The following SEPTIN5 variants were observed in gnomAD, a reference collection of about 807,000 sequenced individuals.
SEPTIN5 encodes the protein septin 5.
A neutral mutation model predicts 51.2 loss-of-function variants in SEPTIN5; 16 were observed. The observed-to-expected ratio is 0.31, with a 90% confidence interval of 0.21 to 0.47. SEPTIN5 has a LOEUF of 0.47. SEPTIN5 is among the 20% of genes least tolerant of loss of function. SEPTIN5 has a pLI of 0.99. For synonymous variants in SEPTIN5, 208 were observed against 191.2 expected (o/e 1.09, Z -0.72); for missense variants, 376 against 500.3 (o/e 0.75, Z 2.37).
rs958298664 is a variant in SEPTIN5 at position 19,714,697 on chromosome 22, C to T, written c.43+66C>T. 92 of 1,531,270 alleles carry T rather than the reference C, an allele frequency of 6.0e-5. No individual in the cohort carries two copies. Among genetic ancestry groups the T allele is most frequent in the Non-Finnish European group, 7.6e-5 (87 of 1,144,054 alleles). The allele number at this position is 1,531,270 out of a possible 1,614,324, so 94.9% of individuals were successfully genotyped here. On this transcript the variant is annotated intron_variant, in intron 1 of 11. Transcript: ENST00000455784. The surrounding 1 kb of genome is among the most constrained non-coding windows in gnomAD (Gnocchi z 5.2). ...TCCCCGCCGCCCGCGCGCCTCTCAC[C>T]GTGTCTCTCCGTCTCTCCCCCGCCC...
At chr22:19,715,971 C>G (rs890066740) in intron 2 of SEPTIN5, among the ~76,000 whole-genome samples, 1 of 152,240 alleles carries the variant, frequency 6.6e-6, no homozygotes, top group African/African-American at 2.4e-5. Flanking sequence ...GGAGGCCAGG[C>G]CCCTGAGGCT....
Position 19,720,356 on chromosome 22 carries a change from T to G in SEPTIN5, c.399T>G (p.Phe133Leu), listed in dbSNP as rs1337858518. Residue 133 changes from phenylalanine (F) to leucine (L), a missense_variant, in exon 6 of 12, where the codon TTT becomes TTG. Phe to Leu is a conservative substitution (Grantham distance 22). Coordinates refer to ENST00000455784, the MANE Select transcript of SEPTIN5 (RefSeq NM_002688.6). ...KPITDYVDQQ[F>L]EQYFRDESGL... The stretch of plus-strand genomic sequence containing the variant: ...TCACCGACTATGTGGACCAGCAGTT[T>G]GAGCAGTACTTCCGTGATGAGAGCG... 4 of 1,613,978 alleles carry G rather than the reference T, an allele frequency of 2.5e-6. No homozygotes were observed. The Admixed American group carries it at 6.7e-5, about 27-fold the overall frequency.
Position 19,723,071 on chromosome 22 carries a change from C to A in SEPTIN5, c.*587C>A. The stretch of plus-strand genomic sequence containing the variant: ...GACCGCTTACACCCCTTCTCCACAG[C>A]CCGGCCCGACCTGGAGGGCCCCCGG... On this transcript the variant is annotated 3_prime_UTR_variant, in exon 12 of 12. Transcript: ENST00000455784. 1 of 516,966 alleles carries A rather than the reference C, an allele frequency of 1.9e-6. No individual in the cohort carries two copies. Among genetic ancestry groups the A allele is most frequent in the South Asian group, 1.6e-5 (1 of 61,624 alleles). 32.0% of individuals were successfully genotyped at this position (516,966 alleles called of 1,614,324 possible).
At position 19,721,911 on chromosome 22, in the gene SEPTIN5, G is replaced by A. The variant is rs763802340; in HGVS notation, c.904G>A (p.Val302Met). The stretch of plus-strand genomic sequence containing the variant: ...CGACCTCAAGGACGTGACGTGCGAC[G>A]TGCACTACGAGAACTACCGCGCGCA... Reference protein sequence around the residue: ...MHDLKDVTCDVHYENYRAHCI... With the variant: ...MHDLKDVTCDMHYENYRAHCI... Residue 302 changes from valine to methionine, a missense_variant, in exon 10 of 12, where the codon GTG becomes ATG. Val to Met is a conservative substitution (Grantham distance 21). Transcript: ENST00000455784. The A allele has an allele frequency of 1.2e-6, 2 of 1,612,098 alleles. No individual in the cohort carries two copies. Among genetic ancestry groups the A allele is most frequent in the Non-Finnish European group, 1.7e-6 (2 of 1,179,570 alleles).
chr22:19,716,218 C>T (rs1935909166), intron 2 of SEPTIN5, among the ~76,000 whole-genome samples: 1 of 152,216 alleles, frequency 6.6e-6, no homozygotes, highest in Non-Finnish European at 1.5e-5. Flanking sequence ...GAAGGGAGCC[C>T]CGGAGCAGGA....
In SEPTIN5 at chr22:19,714,561, C is replaced by G; in HGVS notation, c.-28C>G. 1 of 1,389,406 alleles carries G rather than the reference C, an allele frequency of 7.2e-7. No homozygotes were observed. Among genetic ancestry groups the G allele is most frequent in the Non-Finnish European group, 9.3e-7 (1 of 1,072,758 alleles). The allele number at this position is 1,389,406 out of a possible 1,614,324, so 86.1% of individuals were successfully genotyped here. On this transcript the variant is annotated 5_prime_UTR_variant, in exon 1 of 12. Coordinates refer to ENST00000455784, the MANE Select transcript of SEPTIN5 (RefSeq NM_002688.6). This position sits in a 1 kb window ranked among gnomAD's most constrained non-coding sequence, Gnocchi z 5.2. ...TCGTCGCGCCCCGCCCGCGAGCCCG[C>G]CCCGCACGTCCCCCGCCGGCGGCCA...
Position 19,722,943 on chromosome 22 carries a change from G to T in SEPTIN5, c.*459G>T, listed in dbSNP as rs180830640. ...ACCCCATTTTCTGTCGAGGCGGGCC[G>T]AGTCTTCCCTTATCCCCAGACGCCT... On this transcript the variant is annotated 3_prime_UTR_variant, in exon 12 of 12. Transcript: ENST00000455784. 9.1e-6 allele frequency: 4 copies of T among 441,632 alleles called. No individual in the cohort carries two copies. The East Asian group carries it at 1.6e-4, about 18-fold the overall frequency. The allele number at this position is 441,632 out of a possible 1,614,324, so 27.4% of individuals were successfully genotyped here.
Position 19,720,250 on chromosome 22 carries a change from C to G in SEPTIN5, c.362+12C>G, listed in dbSNP as rs1384972132. 6 of 1,613,408 alleles carry G rather than the reference C, an allele frequency of 3.7e-6. No individual in the cohort carries two copies. The highest frequency in any genetic ancestry group is 5.1e-6 in the Non-Finnish European group (6 of 1,180,012). ...AACAACACCGAGTGGTGAGTGAGGCCTGCTGAGAAAGGCCTTGCCTAGGCG... is the reference window on the plus strand; with the variant it reads ...AACAACACCGAGTGGTGAGTGAGGCGTGCTGAGAAAGGCCTTGCCTAGGCG... On this transcript the variant is annotated intron_variant, in intron 5 of 11. Coordinates refer to ENST00000455784, the MANE Select transcript of SEPTIN5 (RefSeq NM_002688.6).
Position 19,714,649 on chromosome 22 carries a change from C to T in SEPTIN5, c.43+18C>T, listed in dbSNP as rs1025151875. The T allele has an allele frequency of 4.6e-6, 7 of 1,511,990 alleles. No individual in the cohort carries two copies. The African/African-American group carries it at 1.0e-4, about 22-fold the overall frequency. 93.7% of individuals were successfully genotyped at this position (1,511,990 alleles called of 1,614,324 possible). On this transcript the variant is annotated intron_variant, in intron 1 of 11. Transcript: ENST00000455784. This position sits in a 1 kb window ranked among gnomAD's most constrained non-coding sequence, Gnocchi z 5.2. ...GACCCCAGGTGAGCCCAGCGCCTGCCCGCGTGCCCGCGCGCGCCTTTGTCC... is the reference window on the plus strand; with the variant it reads ...GACCCCAGGTGAGCCCAGCGCCTGCTCGCGTGCCCGCGCGCGCCTTTGTCC...
Position 19,720,835 on chromosome 22 carries a change from A to T in SEPTIN5, c.683A>T (p.Asp228Val). ...TTCCCTGAGTGTGACTCGGACGAGG[A>T]TGAGGACTTCAAGCAGCAGGACCGG... is the stretch of plus-strand genomic sequence containing the variant. Reference protein sequence around the residue: ...YQFPECDSDEDEDFKQQDREL... With the variant: ...YQFPECDSDEVEDFKQQDREL... Residue 228 changes from aspartate (D) to valine (V), a missense_variant, in exon 8 of 12, where the codon GAT becomes GTT. This residue lies in a region of SEPTIN5 where 287 missense variants were observed against 417.1 expected (regional missense o/e 0.69). Transcript: ENST00000455784. 1 of 1,613,726 alleles carries T rather than the reference A, an allele frequency of 6.2e-7. No individual in the cohort carries two copies. Among genetic ancestry groups the T allele is most frequent in the Non-Finnish European group, 8.5e-7 (1 of 1,179,982 alleles).
At chr22:19,721,552 G>A in intron 8 of SEPTIN5, 88 bp from the exon 9 acceptor site, 1 of 1,381,400 alleles carries the variant, frequency 7.2e-7, no homozygotes, top group Non-Finnish European at 1.0e-6. Flanking sequence ...ATGCTGGAGG[G>A]GTGCCCCGGG....
rs1935891718 is a variant in SEPTIN5, at chr22:19,714,840, C to T, written c.54+49C>T. ...CGCCGGGAGACCCGGCCGGCTGTCA[C>T]CCATTGTGACACTAGCGCCTTGGGC... On this transcript the variant is annotated intron_variant, in intron 2 of 11. Transcript: ENST00000455784. This position sits in a 1 kb window ranked among gnomAD's most constrained non-coding sequence, Gnocchi z 5.2. 3.2e-6 allele frequency: 5 copies of T among 1,586,210 alleles called. No homozygotes were observed. The highest frequency in any genetic ancestry group is 1.1e-5 in the South Asian group (1 of 88,968).
chr22:19,719,821 G>C lies in SEPTIN5; in HGVS notation c.167G>C (p.Gly56Ala). ...TLMVAGESGL[G>A]KSTLVHSLFL... is the part of the protein sequence containing the mutation. ...CTGTGTGCAGGTGAGTCAGGCCTGG[G>C]GAAGTCCACACTGGTCCACAGCCTC... is the stretch of plus-strand genomic sequence containing the variant. Residue 56 changes from glycine (G) to alanine (A), a missense_variant, in exon 4 of 12, where the codon GGG becomes GCG. This residue lies in a region of SEPTIN5 where 287 missense variants were observed against 417.1 expected (regional missense o/e 0.69). Transcript: ENST00000455784. The C allele has an allele frequency of 6.2e-7, 1 of 1,613,046 alleles. No individual in the cohort carries two copies. The highest frequency in any genetic ancestry group is 8.5e-7 in the Non-Finnish European group (1 of 1,179,946).
Position 19,720,348 on chromosome 22 carries a change from C to T in SEPTIN5, c.391C>T (p.Gln131Ter). ...GAAGCCCATCACCGACTATGTGGAC[C>T]AGCAGTTTGAGCAGTACTTCCGTGA... The part of the protein sequence containing the change: ...CWKPITDYVD[Q>*]QFEQYFRDES... The change falls in exon 6 of 12, where the codon CAG becomes TAG. Residue 131 changes from glutamine to a stop codon, truncating the protein, a stop_gained. Transcript: ENST00000455784. LOFTEE classifies it high-confidence loss of function. 1 of 1,613,954 alleles carries T rather than the reference C, an allele frequency of 6.2e-7. No homozygotes were observed. Among genetic ancestry groups the T allele is most frequent in the Non-Finnish European group, 8.5e-7 (1 of 1,179,994 alleles).
intron 2 of SEPTIN5, among the ~76,000 whole-genome samples, chr22:19,716,977 A>T (rs1935919629): frequency 6.6e-6 from 1 of 152,198 alleles, no homozygotes; most frequent in Non-Finnish European, 1.5e-5. Flanking sequence ...GCTTTCTGGC[A>T]GCAAGGACTG....
chr22:19,722,421 C>T lies in SEPTIN5; in HGVS notation c.1054-7C>T, dbSNP rs1936065150. Reference sequence around the variant, plus strand: ...CTGCTCACCCGCCGGGTTGTCTCCGCCCGCAGCTGAGGCGCATGCAGGAGA... The same window carrying T: ...CTGCTCACCCGCCGGGTTGTCTCCGTCCGCAGCTGAGGCGCATGCAGGAGA... On this transcript the variant is annotated splice_polypyrimidine_tract_variant and splice_region_variant and intron_variant, in intron 11 of 11. Coordinates refer to ENST00000455784, the MANE Select transcript of SEPTIN5 (RefSeq NM_002688.6). The T allele has an allele frequency of 1.9e-6, 3 of 1,600,188 alleles. No homozygotes were observed. The highest frequency in any genetic ancestry group is 2.6e-6 in the Non-Finnish European group (3 of 1,173,826).
At position 19,714,532 on chromosome 22, in the gene SEPTIN5, C is replaced by T; in HGVS notation, c.-57C>T. ...CGCAGCCCGGCCTCGGCCTCCGCCG[C>T]TTGTCGTCGCGCCCCGCCCGCGAGC... On this transcript the variant is annotated 5_prime_UTR_variant, in exon 1 of 12. Transcript: ENST00000455784. This position sits in a 1 kb window ranked among gnomAD's most constrained non-coding sequence, Gnocchi z 5.2. 1.6e-6 allele frequency: 2 copies of T among 1,272,666 alleles called. No homozygotes were observed. Among genetic ancestry groups the T allele is most frequent in the Non-Finnish European group, 2.0e-6 (2 of 999,546 alleles). 78.8% of individuals were successfully genotyped at this position (1,272,666 alleles called of 1,614,324 possible). A position where few individuals can be genotyped will look rare whatever the true frequency, so the allele number is the denominator to read the frequency against.
intron 8 of SEPTIN5, 84 bp from the exon 9 acceptor site, chr22:19,721,556 C>T: frequency 1.4e-6 from 2 of 1,423,260 alleles, no homozygotes; most frequent in Non-Finnish European, 2.0e-6. Context: ...TGGAGGGGTG[C>T]CCCGGGAGTT....
chr22:19,717,081 C>T (rs148917654), intron 2 of SEPTIN5: 2 of 322,358 alleles, frequency 6.2e-6, no homozygotes, highest in Non-Finnish European at 1.2e-5. Flanking sequence ...TGCCCCTCCT[C>T]CCCAGGTGCC....
Sources: allele counts gnomAD v4.1 joint callset (sites outside exome capture counted in the v4.1 genomes callset), GRCh38; gene constraint gnomAD v4.1.1; regional missense constraint gnomAD v4.1.1; non-coding constraint Gnocchi (gnomAD v3.1); transcripts MANE v1.5; gene names NCBI Gene and HGNC (gene_info 2026-07-23, HGNC 2026-07-21).